The following VAV2 variants were observed in gnomAD, a reference collection of about 807,000 sequenced individuals.
The protein encoded by VAV2 is vav guanine nucleotide exchange factor 2.
VAV2 carries 67 observed loss-of-function variants against 132.5 expected under a neutral mutation model. That is an observed-to-expected ratio of 0.51 (90% CI 0.42 to 0.62). The LOEUF (loss-of-function observed/expected upper bound fraction) is 0.62, where lower values mean the gene tolerates loss of function less well. VAV2 is among the 20% of genes least tolerant of loss of function. The pLI, the probability that VAV2 is intolerant of heterozygous loss-of-function variation, is 0.00. For missense variants in VAV2, 938 were observed against 1,153.6 expected (o/e 0.81, Z 2.71); for synonymous variants, 492 against 443.5 (o/e 1.11, Z -1.37).
chr9:133,848,866 C>T (rs1837056709), intron 3 of VAV2, among the ~76,000 whole-genome samples: 1 of 152,236 alleles, frequency 6.6e-6, no homozygotes. Flanking sequence ...TCCACCACAA[C>T]CTGAATGTAT....
intron 4 of VAV2, among the ~76,000 whole-genome samples, chr9:133,830,028 C>T (rs964506850): frequency 6.6e-6 from 1 of 152,116 alleles, no homozygotes; most frequent in Non-Finnish European, 1.5e-5. Flanking sequence ...GAACGATGAT[C>T]GTGTGAATGA....
Position 133,833,453 on chromosome 9 carries a change from C to A in VAV2, c.449+819G>T, listed in dbSNP as rs1036035812. On this transcript the variant is annotated intron_variant, in intron 4 of 29. Transcript: ENST00000371850. This position sits in a 1 kb window ranked among gnomAD's most constrained non-coding sequence, Gnocchi z 5.6. ...AGTTGAGCTAAGAACACACAAGCTG[C>A]TGTCAAACAGCTCCAGAGGCCCCCA... 2.6e-5 allele frequency among the ~76,000 whole-genome samples: 4 copies of A among 152,320 alleles called. No individual in the cohort carries two copies. Among genetic ancestry groups the A allele is most frequent in the Admixed American group, 2.0e-4 (3 of 15,298 alleles).
chr9:133,878,111 T>C (rs1221052886), intron 2 of VAV2, among the ~76,000 whole-genome samples: 1 of 152,146 alleles, frequency 6.6e-6, no homozygotes, highest in Non-Finnish European at 1.5e-5. Context: ...CGAAGTCTCT[T>C]TGCCAGTCTC....
chr9:133,907,044 C>T (rs555618067), intron 2 of VAV2, among the ~76,000 whole-genome samples: 11 of 152,280 alleles, frequency 7.2e-5, no homozygotes, highest in African/African-American at 1.9e-4. Flanking sequence ...GGCTGGCCGG[C>T]GGCGGGGGGA....
intron 23 of VAV2, 141 bp downstream of exon 23, chr9:133,777,248 C>T: frequency 1.2e-6 from 1 of 801,256 alleles, no homozygotes; most frequent in Admixed American, 2.2e-5. Flanking sequence ...TGGGCTCCAG[C>T]TCCAGGAAGC....
intron 2 of VAV2, among the ~76,000 whole-genome samples, chr9:133,875,015 G>T (rs919971746): frequency 6.6e-6 from 1 of 152,180 alleles, no homozygotes; most frequent in Non-Finnish European, 1.5e-5. Flanking sequence ...AGTCGGGGCA[G>T]AGCAGCCCCA....
chr9:133,855,075 G>T lies in VAV2; in HGVS notation c.380+6299C>A, dbSNP rs558608205. Reference sequence around the variant, plus strand: ...TGGAAGAAAAAGGGACACCAGCCCGGATGGAAGAGAGTGGAGAGAGCAGGG... The same window carrying T: ...TGGAAGAAAAAGGGACACCAGCCCGTATGGAAGAGAGTGGAGAGAGCAGGG... On this transcript the variant is annotated intron_variant, in intron 3 of 29. Transcript: ENST00000371850. Among the ~76,000 whole-genome samples the T allele has an allele frequency of 2.0e-5, 3 of 152,342 alleles. No homozygotes were observed. The South Asian group carries it at 6.2e-4, about 32-fold the overall frequency.
At chr9:133,844,469 T>C (rs977424244) in intron 3 of VAV2, among the ~76,000 whole-genome samples, 2 of 152,214 alleles carry the variant, frequency 1.3e-5, no homozygotes, top group Non-Finnish European at 2.9e-5. Flanking sequence ...GAGGAGGCTC[T>C]AGGACAGGGG....
rs1247087441 is a variant in VAV2 at position 133,979,446 on chromosome 9, C to T, written c.204+12629G>A. ...AGCCAGGCCCAGAGGAGATGGGTCC[C>T]CAGGCAGGGGCTGCATGAGGACGGC... On this transcript the variant is annotated intron_variant, in intron 1 of 29. Transcript: ENST00000371850. Among the ~76,000 whole-genome samples, 4 of 152,132 alleles carry T rather than the reference C, an allele frequency of 2.6e-5. No individual in the cohort carries two copies. The East Asian group carries it at 5.8e-4, about 22-fold the overall frequency.
chr9:133,897,618 A>G (rs931767438), intron 2 of VAV2, among the ~76,000 whole-genome samples: 6 of 152,016 alleles, frequency 3.9e-5, no homozygotes, highest in Non-Finnish European at 8.8e-5. Context: ...GCAGCAACAC[A>G]GGCCCCCCTC....
chr9:133,932,292 G>A (rs1031123869), intron 2 of VAV2, among the ~76,000 whole-genome samples: 1 of 152,226 alleles, frequency 6.6e-6, no homozygotes, highest in African/African-American at 2.4e-5. Context: ...GCCGTGGCGG[G>A]GAGCAGGGCC....
intron 1 of VAV2, among the ~76,000 whole-genome samples, chr9:133,965,480 C>T (rs1842112789): frequency 7.9e-6 from 1 of 126,816 alleles, no homozygotes; most frequent in Non-Finnish European, 1.6e-5. Context: ...GCCTGGATGA[C>T]AGAGCGAGAC....
intron 25 of VAV2, 63 bp from the exon 26 acceptor site, chr9:133,772,109 C>G: frequency 7.1e-7 from 1 of 1,413,102 alleles, no homozygotes. Flanking sequence ...GCCCCCTTGG[C>G]AGCCAGGCTC....
At chr9:133,872,846 C>T (rs1043477256) in intron 2 of VAV2, among the ~76,000 whole-genome samples, 1 of 152,104 alleles carries the variant, frequency 6.6e-6, no homozygotes, top group Admixed American at 6.5e-5. Context: ...AAGGGGGTGG[C>T]TCACGCCTGT....
At chr9:133,801,586 G>A (rs1834931864) in intron 9 of VAV2, among the ~76,000 whole-genome samples, 1 of 152,232 alleles carries the variant, frequency 6.6e-6, no homozygotes, top group African/African-American at 2.4e-5. Context: ...GCCCCACTGA[G>A]CAAGGGCAGC....
intron 2 of VAV2, among the ~76,000 whole-genome samples, chr9:133,897,698 G>A (rs532952880): frequency 6.6e-6 from 1 of 152,286 alleles, no homozygotes; most frequent in Non-Finnish European, 1.5e-5. Flanking sequence ...TCTATGCCTC[G>A]TTTAGTGAAG....
chr9:133,876,024 C>G (rs558798513), intron 2 of VAV2, among the ~76,000 whole-genome samples: 17 of 152,252 alleles, frequency 1.1e-4, no homozygotes, highest in Non-Finnish European at 2.4e-4. Context: ...CATCGACGCT[C>G]GTCGTTCTCA....
At chr9:133,897,184 T>A (rs75802368) in intron 2 of VAV2, among the ~76,000 whole-genome samples, 2,290 of 152,302 alleles carry the variant, frequency 0.015, 82 homozygotes, top group African/African-American at 0.052. Flanking sequence ...TGCTGGTTAT[T>A]GCTGAAGGAC....
chr9:133,921,452 C>A (rs1174112410), intron 2 of VAV2, among the ~76,000 whole-genome samples: 1 of 152,130 alleles, frequency 6.6e-6, no homozygotes, highest in Non-Finnish European at 1.5e-5. Flanking sequence ...GGCAACACAG[C>A]AAGACCCTAT....
Sources: gnomAD v4.1 joint callset for allele counts (sites outside exome capture counted in the v4.1 genomes callset) on GRCh38, gnomAD v4.1.1 for gene constraint, Gnocchi (gnomAD v3.1) non-coding constraint, MANE v1.5 for transcripts, NCBI Gene and HGNC (gene_info 2026-07-23, HGNC 2026-07-21) for gene names.